Variants in MPP3 observed in about 807,000 individuals in gnomAD.
MPP3 encodes MAGUK p55 scaffold protein 3, also known as MAGUK p55 subfamily member 3.
MPP3 carries 48 observed loss-of-function variants against 80.7 expected under a neutral mutation model. The ratio of observed to expected loss-of-function variants is 0.59; its 90% CI spans 0.47 to 0.76. The LOEUF is 0.76. Among genes scored for constraint, MPP3 ranks in the 30% least tolerant of loss-of-function variants. The probability of loss-of-function intolerance (pLI) is 0.00; values close to 1 mark genes in which losing one functional copy is unlikely to be tolerated. For synonymous variants in MPP3, 311 were observed against 297.6 expected (o/e 1.04, Z -0.46); for missense variants, 620 against 763.0 (o/e 0.81, Z 2.21).
chr17:43,831,468 G>A, intron 4 of MPP3, 91 bp downstream of exon 4: 3 of 1,306,408 alleles, frequency 2.3e-6, no homozygotes, highest in Non-Finnish European at 3.3e-6. Flanking sequence ...CCTTCCTGGG[G>A]CAGGGAGATG....
At chr17:43,806,521 A>G (rs2044623234) in intron 19 of MPP3, among the ~76,000 whole-genome samples, 1 of 152,128 alleles carries the variant, frequency 6.6e-6, no homozygotes, top group Non-Finnish European at 1.5e-5. Context: ...TAAGTGTCAC[A>G]TAATGGAGTA....
chr17:43,830,133 T>G, intron 5 of MPP3, 26 bp from the exon 6 acceptor site: 1 of 1,498,496 alleles, frequency 6.7e-7, no homozygotes, highest in Admixed American at 2.3e-5. Context: ...CAGGCGCCAC[T>G]GATGGCTAGA....
chr17:43,801,947 T>G, intron 19 of MPP3, 70 bp from the exon 20 acceptor site: 7 of 1,501,054 alleles, frequency 4.7e-6, no homozygotes, highest in Non-Finnish European at 5.4e-6. Context: ...ACCTTTGTCT[T>G]GAGCAATGTT....
chr17:43,804,993 G>A (rs1000326283), intron 19 of MPP3, among the ~76,000 whole-genome samples: 2 of 152,094 alleles, frequency 1.3e-5, no homozygotes, highest in East Asian at 3.9e-4. Flanking sequence ...GCTCCAGCCT[G>A]GGCAACAAGA....
At chr17:43,802,856 A>AGAG (rs1363251536) in intron 19 of MPP3, among the ~76,000 whole-genome samples, 2 of 152,110 alleles carry the variant, frequency 1.3e-5, no homozygotes, top group East Asian at 3.9e-4. Flanking sequence ...CCTACATTCC[A>AGAG]AATATTCCCC....
rs200615806 is a variant in MPP3, at chr17:43,814,310, G to A, written c.1061C>T (p.Ser354Leu). 3.1e-5 allele frequency: 50 copies of A among 1,611,214 alleles called. No individual in the cohort carries two copies. The East Asian group carries it at 9.8e-4, about 32-fold the overall frequency. Residue 354 changes from serine (S) to leucine (L), a missense_variant, in exon 15 of 20, where the codon TCG (serine) becomes TTG (leucine). Transcript: ENST00000398389. ...TCCGGAGGACATCTTTCCTTCCTGC[G>A]AGCCACCCAGTCTCTCCCTACAGCC... ...RLGCRERLGG[S>L]QEGKMSSGAE...
At chr17:43,832,570 G>A (rs900786780) in intron 2 of MPP3, among the ~76,000 whole-genome samples, 191 bp downstream of exon 2, 1 of 152,200 alleles carries the variant, frequency 6.6e-6, no homozygotes. Context: ...GCCCTCCAAA[G>A]GTGCTCTGCA....
intron 12 of MPP3, among the ~76,000 whole-genome samples, chr17:43,817,015 A>G (rs1181203701): frequency 6.6e-6 from 1 of 152,082 alleles, no homozygotes; most frequent in Non-Finnish European, 1.5e-5. Flanking sequence ...GGAGCAGCTT[A>G]CTCTAGGATC....
chr17:43,816,916 C>G (rs1343440135), intron 12 of MPP3, among the ~76,000 whole-genome samples: 1 of 152,232 alleles, frequency 6.6e-6, no homozygotes, highest in Non-Finnish European at 1.5e-5. Flanking sequence ...CCAGAGAAAG[C>G]CAGCTCATCA....
chr17:43,827,865 G>T, intron 7 of MPP3, 33 bp from the exon 8 acceptor site: 1 of 1,606,092 alleles, frequency 6.2e-7, no homozygotes. Flanking sequence ...AGGTTCTTAA[G>T]CAGCAGCTCC....
chr17:43,806,674 A>G (rs567326129), intron 19 of MPP3, among the ~76,000 whole-genome samples: 14 of 151,970 alleles, frequency 9.2e-5, no homozygotes, highest in South Asian at 4.2e-4. Context: ...CGATGGCGCA[A>G]TCTCGGCTCA....
At chr17:43,825,666 G>T (rs1008997320) in intron 9 of MPP3, 90 bp downstream of exon 9, 1 of 906,814 alleles carries the variant, frequency 1.1e-6, no homozygotes, top group East Asian at 2.5e-5. Flanking sequence ...CAACAGCAAG[G>T]CTAAGCCAGA....
chr17:43,813,689 G>A (rs2044972957), intron 16 of MPP3, among the ~76,000 whole-genome samples: 1 of 152,140 alleles, frequency 6.6e-6, no homozygotes, highest in Admixed American at 6.5e-5. Context: ...ACTGTGATGA[G>A]GAGGAATGCC....
chr17:43,808,995 T>TG lies in MPP3; in HGVS notation c.1541dup (p.Pro515ThrfsTer7), dbSNP rs1239080535. On this transcript the variant is annotated frameshift_variant, in exon 19 of 20. Coordinates refer to ENST00000398389, the MANE Select transcript of MPP3 (RefSeq NM_001932.6). LOFTEE classifies it high-confidence loss of function. ...TGTCCTCACAAGCTGGGGACATAGG[T>TG]GGCGTTTTTCTTTTTTCCTGAATTG... is the stretch of plus-strand genomic sequence containing the variant. 4 of 1,610,748 alleles carry TG rather than the reference T, an allele frequency of 2.5e-6. No homozygotes were observed. The highest frequency in any genetic ancestry group is 3.4e-6 in the Non-Finnish European group (4 of 1,179,246).
intron 12 of MPP3, among the ~76,000 whole-genome samples, chr17:43,817,580 C>T (rs1202843853): frequency 6.6e-6 from 1 of 152,188 alleles, no homozygotes; most frequent in Non-Finnish European, 1.5e-5. Context: ...TGTCATCTAT[C>T]TGAAATTCAA....
chr17:43,805,929 T>C (rs1268768704), intron 19 of MPP3, among the ~76,000 whole-genome samples: 2 of 152,240 alleles, frequency 1.3e-5, no homozygotes, highest in Non-Finnish European at 2.9e-5. Flanking sequence ...GTGTGAATTG[T>C]ACAGTATGTA....
chr17:43,812,468 C>T (rs1314186765), intron 16 of MPP3, among the ~76,000 whole-genome samples: 1 of 152,202 alleles, frequency 6.6e-6, no homozygotes, highest in Non-Finnish European at 1.5e-5. Flanking sequence ...TGCCCAACCT[C>T]TCAGCTCCAT....
intron 14 of MPP3, among the ~76,000 whole-genome samples, chr17:43,815,313 C>G (rs748848272): frequency 6.6e-6 from 1 of 152,110 alleles, no homozygotes; most frequent in Non-Finnish European, 1.5e-5. Context: ...GTGTGGGTAA[C>G]AGAGCAAGAC....
intron 8 of MPP3, among the ~76,000 whole-genome samples, chr17:43,827,004 T>C (rs12950756): frequency 0.057 from 7,718 of 135,712 alleles, 284 homozygotes; most frequent in Non-Finnish European, 0.077. Context: ...GCATGGCCTA[T>C]ATTTTCTTTT....
Sources: gnomAD v4.1 joint callset for allele counts (sites outside exome capture counted in the v4.1 genomes callset) on GRCh38, gnomAD v4.1.1 for gene constraint, MANE v1.5 for transcripts, NCBI Gene and HGNC (gene_info 2026-07-23, HGNC 2026-07-21) for gene names.